The following KCNIP4 variants were observed in gnomAD, a reference collection of about 807,000 sequenced individuals.
The protein encoded by KCNIP4 is potassium voltage-gated channel interacting protein 4, also known as Kv channel-interacting protein 4.
KCNIP4 carries 12 observed loss-of-function variants against 34.0 expected under a neutral mutation model. The ratio of observed to expected loss-of-function variants is 0.35; its 90% CI spans 0.23 to 0.57. KCNIP4 has a LOEUF of 0.57. Among genes scored for constraint, KCNIP4 ranks in the 20% least tolerant of loss-of-function variants. The pLI, the probability that KCNIP4 is intolerant of heterozygous loss-of-function variation, is 0.83. For synonymous variants in KCNIP4, 124 were observed against 102.2 expected, an observed-to-expected ratio of 1.21 and a Z score of -1.29; for missense variants, 238 against 311.7, an observed-to-expected ratio of 0.76 and a Z score of 1.78.
chr4:21,005,575 A>AT (rs1017620783), intron 1 of KCNIP4, among the ~76,000 whole-genome samples: 12 of 151,606 alleles, frequency 7.9e-5, no homozygotes, highest in Admixed American at 1.3e-4. Flanking sequence ...TCTATCTACC[A>AT]TTTTTTTTTC....
In KCNIP4 at chr4:20,906,923, T is replaced by C. The variant is rs753597799; in HGVS notation, c.62-24214A>G. The stretch of plus-strand genomic sequence containing the variant: ...AGAAAGGTGAAAGACAAGTAGGATT[T>C]GTAAGGTTTGGGGCATTGAGTTAAG... On this transcript the variant is annotated intron_variant, in intron 1 of 8. Coordinates refer to ENST00000382152, the MANE Select transcript of KCNIP4 (RefSeq NM_025221.6). Among the ~76,000 whole-genome samples, 67 of 152,320 alleles carry C rather than the reference T, an allele frequency of 4.4e-4. 1 individual carries two copies. The highest frequency in any genetic ancestry group is 3.1e-3 in the Admixed American group (47 of 15,300).
intron 1 of KCNIP4, among the ~76,000 whole-genome samples, chr4:21,478,627 T>G (rs979460167): frequency 6.6e-6 from 1 of 152,196 alleles, no homozygotes; most frequent in Non-Finnish European, 1.5e-5. Flanking sequence ...CGTAAGACCT[T>G]GATTCAGTGA....
At chr4:21,499,575 A>G (rs1362482310) in intron 1 of KCNIP4, among the ~76,000 whole-genome samples, 4 of 152,136 alleles carry the variant, frequency 2.6e-5, no homozygotes, top group Non-Finnish European at 5.9e-5. Context: ...CTTCTCCAAC[A>G]GAAATCTCAT....
intron 1 of KCNIP4, among the ~76,000 whole-genome samples, chr4:21,806,260 G>A (rs968965303): frequency 1.3e-5 from 2 of 152,102 alleles, no homozygotes; most frequent in African/African-American, 4.8e-5. Flanking sequence ...GCATCACAGG[G>A]TGTTATTCAG....
intron 1 of KCNIP4, among the ~76,000 whole-genome samples, chr4:21,441,777 G>C (rs1038287755): frequency 6.6e-6 from 1 of 152,090 alleles, no homozygotes; most frequent in African/African-American, 2.4e-5. Flanking sequence ...TAAAAGTCTA[G>C]AATAAGAAAT....
At chr4:20,853,749 T>C (rs1436041142) in intron 2 of KCNIP4, among the ~76,000 whole-genome samples, 1 of 151,974 alleles carries the variant, frequency 6.6e-6, no homozygotes. Context: ...AATCTATACA[T>C]CTGACAAAGG....
At chr4:20,967,567 T>G (rs1394184233) in intron 1 of KCNIP4, among the ~76,000 whole-genome samples, 5 of 152,114 alleles carry the variant, frequency 3.3e-5, no homozygotes, top group Non-Finnish European at 5.9e-5. Flanking sequence ...GCATGGTACT[T>G]GTACCAAAAC....
At chr4:21,203,442 G>A (rs77087100) in intron 1 of KCNIP4, among the ~76,000 whole-genome samples, 2,578 of 152,246 alleles carry the variant, frequency 0.017, 52 homozygotes, top group African/African-American at 0.05. Flanking sequence ...CTAATTATTC[G>A]TAATCTACAA....
chr4:21,886,817 G>GGT (rs1726790728), intron 1 of KCNIP4, among the ~76,000 whole-genome samples: 1 of 8,724 alleles, frequency 1.1e-4, no homozygotes, highest in Non-Finnish European at 5.6e-4. Flanking sequence ...AATTACAAAA[G>GGT]CTCTTCTTTT....
chr4:21,769,253 A>T (rs956383493), intron 1 of KCNIP4, among the ~76,000 whole-genome samples: 1 of 152,128 alleles, frequency 6.6e-6, no homozygotes, highest in African/African-American at 2.4e-5. Flanking sequence ...ATTGGGAGTG[A>T]ACATTTATAT....
At chr4:21,871,536 G>C (rs369120119) in intron 1 of KCNIP4, among the ~76,000 whole-genome samples, 1 of 151,566 alleles carries the variant, frequency 6.6e-6, no homozygotes, top group African/African-American at 2.4e-5. Context: ...GCAAACTATC[G>C]CAAGGACAGA....
intron 1 of KCNIP4, among the ~76,000 whole-genome samples, chr4:21,002,872 C>G (rs192111906): frequency 1.3e-5 from 2 of 152,264 alleles, no homozygotes; most frequent in Admixed American, 1.3e-4. Flanking sequence ...TGTTTCTTAT[C>G]TTTAAATAAA....
intron 1 of KCNIP4, among the ~76,000 whole-genome samples, chr4:21,905,259 G>A (rs925034226): frequency 1.3e-5 from 2 of 152,100 alleles, no homozygotes; most frequent in African/African-American, 4.8e-5. Flanking sequence ...GCCATGCTGT[G>A]TCTGTGTCTC....
chr4:21,202,322 G>A (rs1756554185), intron 1 of KCNIP4, among the ~76,000 whole-genome samples: 3 of 152,186 alleles, frequency 2.0e-5, no homozygotes, highest in Non-Finnish European at 4.4e-5. Context: ...GTGAACTAAT[G>A]CAGAAACAGA....
At chr4:21,244,175 C>A (rs6858323) in intron 1 of KCNIP4, among the ~76,000 whole-genome samples, 2 of 151,960 alleles carry the variant, frequency 1.3e-5, no homozygotes, top group Admixed American at 6.6e-5. Context: ...TGAGGGTACA[C>A]GTGAAATTTT....
intron 1 of KCNIP4, among the ~76,000 whole-genome samples, chr4:20,968,979 G>A (rs916260589): frequency 3.3e-5 from 5 of 152,004 alleles, no homozygotes; most frequent in South Asian, 2.1e-4. Context: ...CTGCCTCCCT[G>A]CTATTTAAAT....
At chr4:21,704,673 C>A (rs922391992) in intron 1 of KCNIP4, among the ~76,000 whole-genome samples, 1 of 152,126 alleles carries the variant, frequency 6.6e-6, no homozygotes. Flanking sequence ...TACTACACAT[C>A]TATTAGAATG....
intron 1 of KCNIP4, among the ~76,000 whole-genome samples, chr4:21,271,703 G>A (rs780265436): frequency 9.9e-5 from 15 of 152,094 alleles, no homozygotes; most frequent in Non-Finnish European, 1.9e-4. Context: ...GGGATCAATG[G>A]GAGAAATAAA....
intron 1 of KCNIP4, among the ~76,000 whole-genome samples, chr4:21,580,052 C>T (rs758643363): frequency 3.9e-5 from 6 of 152,010 alleles, no homozygotes; most frequent in Non-Finnish European, 7.4e-5. Context: ...TGAAATAAAA[C>T]ATATTTACTT....
Sources: gnomAD v4.1 joint callset for allele counts (sites outside exome capture counted in the v4.1 genomes callset) on GRCh38, gnomAD v4.1.1 for gene constraint, MANE v1.5 for transcripts, NCBI Gene and HGNC (gene_info 2026-07-23, HGNC 2026-07-21) for gene names.